Variants in ASIC2 observed in about 807,000 individuals in gnomAD.
The protein encoded by ASIC2 is acid sensing ion channel subunit 2.
In ASIC2, 25 loss-of-function variants were observed where a neutral mutation model predicts 57.3. The ratio of observed to expected loss-of-function variants is 0.44; its 90% CI spans 0.32 to 0.61. The LOEUF is 0.61. ASIC2 is among the 20% of genes least tolerant of loss of function. The probability of loss-of-function intolerance (pLI) is 0.06; values close to 1 mark genes in which losing one functional copy is unlikely to be tolerated. For missense variants in ASIC2, 641 were observed against 738.1 expected (o/e 0.87, Z 1.52); for synonymous variants, 319 against 307.5 (o/e 1.04, Z -0.39).
At chr17:33,478,003 G>T (rs1401296407) in intron 1 of ASIC2, among the ~76,000 whole-genome samples, 1 of 152,170 alleles carries the variant, frequency 6.6e-6, no homozygotes, top group African/African-American at 2.4e-5. Context: ...AGGTAACTTT[G>T]TGATTTAAAA....
At position 34,031,364 on chromosome 17, in the gene ASIC2, C is replaced by T. The variant is rs140135756; in HGVS notation, c.555+124614G>A. Among the ~76,000 whole-genome samples the T allele has an allele frequency of 1.1e-3, 175 of 152,196 alleles. 1 individual carries two copies. The highest frequency in any genetic ancestry group is 3.9e-3 in the African/African-American group (162 of 41,520). ...ATCCACACCAAAAACCCATCTGTAC[C>T]TCACCATCATCAAAGACCAAAGGTA... On this transcript the variant is annotated intron_variant, in intron 1 of 9. Transcript: ENST00000359872.
At chr17:34,032,259 A>C (rs971843972) in intron 1 of ASIC2, among the ~76,000 whole-genome samples, 1 of 152,218 alleles carries the variant, frequency 6.6e-6, no homozygotes, top group Admixed American at 6.5e-5. Context: ...ATCCAGCCAA[A>C]CTAAGCTTCA....
intron 1 of ASIC2, among the ~76,000 whole-genome samples, chr17:33,907,651 C>T (rs763389473): frequency 4.6e-5 from 7 of 152,028 alleles, no homozygotes; most frequent in South Asian, 2.1e-4. Flanking sequence ...TTCTTTCTTC[C>T]GGATGCCTCC....
At chr17:33,646,812 A>G (rs76105710) in intron 1 of ASIC2, among the ~76,000 whole-genome samples, 2,466 of 152,190 alleles carry the variant, frequency 0.016, 25 homozygotes, top group Non-Finnish European at 0.022. Flanking sequence ...GTAATTATCA[A>G]CCAATAGTGG....
At chr17:33,101,285 G>A (rs1855180356) in intron 2 of ASIC2, among the ~76,000 whole-genome samples, 2 of 152,222 alleles carry the variant, frequency 1.3e-5, no homozygotes, top group South Asian at 4.1e-4. Flanking sequence ...ACCCGTGATA[G>A]CTGCTCAGGC....
At chr17:33,212,648 T>C (rs898510544) in intron 1 of ASIC2, among the ~76,000 whole-genome samples, 2 of 152,134 alleles carry the variant, frequency 1.3e-5, no homozygotes, top group Non-Finnish European at 2.9e-5. Context: ...AGGAATGGGG[T>C]ATGAGAAGCA....
intron 1 of ASIC2, among the ~76,000 whole-genome samples, chr17:33,983,065 G>T (rs1299784916): frequency 6.6e-6 from 1 of 152,156 alleles, no homozygotes; most frequent in Non-Finnish European, 1.5e-5. Context: ...CCAATTAGGA[G>T]CTGTGAGTGT....
chr17:33,883,389 T>A lies in ASIC2; in HGVS notation c.555+272589A>T, dbSNP rs137981028. 8.2e-4 allele frequency among the ~76,000 whole-genome samples: 125 copies of A among 152,332 alleles called. 1 individual carries two copies. The highest frequency in any genetic ancestry group is 3.0e-3 in the African/African-American group (123 of 41,584). The stretch of plus-strand genomic sequence containing the variant: ...ACCAATTAGCTTAAAACTGAACTTG[T>A]ATCCAGGAAGAAGCAGGTGGGGAAT... On this transcript the variant is annotated intron_variant, in intron 1 of 9. Transcript: ENST00000359872.
At chr17:34,010,486 T>TC (rs1906673832) in intron 1 of ASIC2, among the ~76,000 whole-genome samples, 1 of 152,156 alleles carries the variant, frequency 6.6e-6, no homozygotes, top group African/African-American at 2.4e-5. Context: ...CCTTGAGTTA[T>TC]CCCTCCATGT....
intron 1 of ASIC2, among the ~76,000 whole-genome samples, chr17:33,190,388 A>G (rs966141501): frequency 6.6e-6 from 1 of 152,230 alleles, no homozygotes; most frequent in Non-Finnish European, 1.5e-5. Flanking sequence ...GAGAAATTAA[A>G]GATCACATAT....
intron 1 of ASIC2, among the ~76,000 whole-genome samples, chr17:33,897,189 T>G (rs1393270227): frequency 3.9e-5 from 6 of 152,228 alleles, no homozygotes. Context: ...AAATATGAGC[T>G]TCTATTCCAA....
intron 1 of ASIC2, among the ~76,000 whole-genome samples, chr17:33,171,388 G>A (rs578103215): frequency 6.6e-6 from 1 of 152,250 alleles, no homozygotes; most frequent in African/African-American, 2.4e-5. Flanking sequence ...TTGGTCTTCT[G>A]GGGACCAATC....
At chr17:33,320,401 C>A (rs768206105) in intron 1 of ASIC2, among the ~76,000 whole-genome samples, 5 of 152,102 alleles carry the variant, frequency 3.3e-5, no homozygotes, top group African/African-American at 1.2e-4. Flanking sequence ...CTCACTCTTA[C>A]GGAAGGAGTT....
intron 1 of ASIC2, among the ~76,000 whole-genome samples, chr17:34,064,064 G>A (rs996445691): frequency 3.9e-5 from 6 of 152,030 alleles, no homozygotes; most frequent in African/African-American, 1.4e-4. Context: ...AGCTCACCTA[G>A]CCAAAGCAAG....
At chr17:33,771,652 A>G (rs1015671106) in intron 1 of ASIC2, among the ~76,000 whole-genome samples, 2 of 152,026 alleles carry the variant, frequency 1.3e-5, no homozygotes, top group African/African-American at 4.8e-5. Flanking sequence ...TCACTGCAAA[A>G]CCCAGCAAAA....
At chr17:33,644,050 A>G (rs1369157089) in intron 1 of ASIC2, among the ~76,000 whole-genome samples, 1 of 152,192 alleles carries the variant, frequency 6.6e-6, no homozygotes, top group African/African-American at 2.4e-5. Flanking sequence ...GGTGAGTCCA[A>G]GAAAGCATTT....
chr17:33,967,919 C>T (rs1350895847), intron 1 of ASIC2, among the ~76,000 whole-genome samples: 3 of 152,146 alleles, frequency 2.0e-5, no homozygotes, highest in Admixed American at 6.6e-5. Flanking sequence ...ATTGTTAAAG[C>T]TTTTTCAACT....
At chr17:33,895,426 G>C (rs917676715) in intron 1 of ASIC2, among the ~76,000 whole-genome samples, 32 of 152,066 alleles carry the variant, frequency 2.1e-4, no homozygotes, top group Admixed American at 2.0e-3. Flanking sequence ...GCCTCCCAAG[G>C]CCACCACACC....
At position 33,898,220 on chromosome 17, in the gene ASIC2, C is replaced by CTTTTTTTTTTTTTTTTTTTTTTTTTT. The variant is rs771624171; in HGVS notation, c.555+257732_555+257757dup. Among the ~76,000 whole-genome samples the CTTTTTTTTTTTTTTTTTTTTTTTTTT allele has an allele frequency of 3.0e-5, 2 of 66,196 alleles. 1 individual carries two copies. Among genetic ancestry groups the CTTTTTTTTTTTTTTTTTTTTTTTTTT allele is most frequent in the Non-Finnish European group, 5.5e-5 (2 of 36,092 alleles). 43.4% of individuals were successfully genotyped at this position (66,196 alleles called of 152,430 possible). A position where few individuals can be genotyped will look rare whatever the true frequency, so the allele number is the denominator to read the frequency against. ...AAACTGCCCAGAGTTCATGTATAAT[C>CTTTTTTTTTTTTTTTTTTTTTTTTTT]TTTTTTTTTTTTTTTTTTTTTTTTT... is the stretch of plus-strand genomic sequence containing the variant. On this transcript the variant is annotated intron_variant, in intron 1 of 9. Coordinates refer to the ASIC2 transcript ENST00000359872.
Sources: gnomAD v4.1 joint callset for allele counts (sites outside exome capture counted in the v4.1 genomes callset) on GRCh38, gnomAD v4.1.1 for gene constraint, MANE v1.5 for transcripts, NCBI Gene and HGNC (gene_info 2026-07-23, HGNC 2026-07-21) for gene names.